The following STXBP5L variants were observed in gnomAD, a reference collection of about 807,000 sequenced individuals.
STXBP5L encodes syntaxin binding protein 5L.
Under a neutral mutation model 144.5 loss-of-function variants are expected in STXBP5L, and 65 were observed. The ratio of observed to expected loss-of-function variants is 0.45; its 90% CI spans 0.37 to 0.55. The LOEUF is 0.55. Among genes scored for constraint, STXBP5L ranks in the 20% least tolerant of loss-of-function variants. The pLI is 0.00. For synonymous variants in STXBP5L, 505 were observed against 469.6 expected (o/e 1.08, Z -0.97); for missense variants, 1,298 against 1,405.5 (o/e 0.92, Z 1.22).
At chr3:120,968,580 A>G (rs911222508) in intron 3 of STXBP5L, among the ~76,000 whole-genome samples, 1 of 152,162 alleles carries the variant, frequency 6.6e-6, no homozygotes, top group Admixed American at 6.5e-5. Context: ...TTTTTAAAAT[A>G]AATTTCAAAA....
At chr3:121,077,621 T>G (rs886989292) in intron 5 of STXBP5L, among the ~76,000 whole-genome samples, 1 of 152,168 alleles carries the variant, frequency 6.6e-6, no homozygotes, top group Admixed American at 6.5e-5. Context: ...CCTGCTTTTA[T>G]TCTCTTAACT....
At chr3:121,406,521 T>C (rs2108741416) in intron 22 of STXBP5L, among the ~76,000 whole-genome samples, 1 of 152,148 alleles carries the variant, frequency 6.6e-6, no homozygotes, top group East Asian at 1.9e-4. Flanking sequence ...AGCTTTATAG[T>C]ATATTGTCCT....
At chr3:121,082,895 T>C (rs552174644) in intron 5 of STXBP5L, among the ~76,000 whole-genome samples, 1 of 152,360 alleles carries the variant, frequency 6.6e-6, no homozygotes, top group Admixed American at 6.5e-5. Context: ...TAGTAATCTT[T>C]TGTTAAGAAC....
chr3:121,032,250 C>CAAA (rs11425726), intron 3 of STXBP5L, among the ~76,000 whole-genome samples: 7 of 135,196 alleles, frequency 5.2e-5, no homozygotes, highest in African/African-American at 1.8e-4. Context: ...AAGTGATGGG[C>CAAA]AAAAAAAAAA....
chr3:121,201,123 T>G (rs1400544607), intron 9 of STXBP5L, among the ~76,000 whole-genome samples: 1 of 152,186 alleles, frequency 6.6e-6, no homozygotes, highest in Non-Finnish European at 1.5e-5. Context: ...AGTCCAAGTC[T>G]CTCTGTAGTC....
chr3:121,221,288 T>C (rs1197806491), intron 10 of STXBP5L, among the ~76,000 whole-genome samples: 1 of 151,792 alleles, frequency 6.6e-6, no homozygotes, highest in East Asian at 1.9e-4. Context: ...CAGAAGAGGT[T>C]TTACTTCCTT....
At chr3:121,143,822 C>G (rs960950749) in intron 7 of STXBP5L, among the ~76,000 whole-genome samples, 1 of 151,790 alleles carries the variant, frequency 6.6e-6, no homozygotes, top group Non-Finnish European at 1.5e-5. Flanking sequence ...GGATTAAAGA[C>G]TTAAACATAA....
At chr3:120,912,007 C>A (rs1295566081) in intron 2 of STXBP5L, among the ~76,000 whole-genome samples, 2 of 151,932 alleles carry the variant, frequency 1.3e-5, no homozygotes, top group Non-Finnish European at 2.9e-5. Context: ...TCAACATGGG[C>A]AAAACTAAAG....
chr3:121,067,886 T>C (rs1012078957), intron 5 of STXBP5L, among the ~76,000 whole-genome samples: 1 of 152,266 alleles, frequency 6.6e-6, no homozygotes, highest in East Asian at 1.9e-4. Flanking sequence ...TATACATTGA[T>C]ATTTGCATAG....
intron 9 of STXBP5L, among the ~76,000 whole-genome samples, chr3:121,199,505 C>A: frequency 6.6e-6 from 1 of 152,286 alleles, no homozygotes; most frequent in South Asian, 2.1e-4. Flanking sequence ...CTGGCCAGAA[C>A]TTCTAATACT....
At chr3:120,918,369 TCA>T (rs1709204986) in intron 2 of STXBP5L, among the ~76,000 whole-genome samples, 1 of 152,198 alleles carries the variant, frequency 6.6e-6, no homozygotes, top group African/African-American at 2.4e-5. Context: ...GTTCATCACC[TCA>T]CCTGTTTTTG....
chr3:121,172,856 T>G (rs2046780430), intron 9 of STXBP5L, among the ~76,000 whole-genome samples: 1 of 152,214 alleles, frequency 6.6e-6, no homozygotes, highest in Admixed American at 6.5e-5. Context: ...TTTTAAATCA[T>G]TCTACTATAA....
chr3:120,954,168 C>T (rs573216750), intron 2 of STXBP5L, among the ~76,000 whole-genome samples: 7 of 152,112 alleles, frequency 4.6e-5, no homozygotes, highest in Admixed American at 2.6e-4. Context: ...TTAACACCTC[C>T]GTATACATAA....
At chr3:121,172,858 C>T (rs1475255886) in intron 9 of STXBP5L, among the ~76,000 whole-genome samples, 2 of 152,184 alleles carry the variant, frequency 1.3e-5, no homozygotes, top group African/African-American at 4.8e-5. Flanking sequence ...TTAAATCATT[C>T]TACTATAAAG....
chr3:121,025,232 G>C (rs1945844724), intron 3 of STXBP5L, among the ~76,000 whole-genome samples: 1 of 152,086 alleles, frequency 6.6e-6, no homozygotes, highest in African/African-American at 2.4e-5. Context: ...AGTAGGAAAT[G>C]CTTCCCTATC....
In STXBP5L at chr3:120,912,605, CTT is replaced by C. The variant is rs145063655; in HGVS notation, c.189+2840_189+2841del. ...AAAGTCATAGAAATGGCAGAAGAAA[CTT>C]TGGTTCAAGGTCAGCCAAAAAAAAA... On this transcript the variant is annotated intron_variant, in intron 2 of 26. Transcript: ENST00000471454. Among the ~76,000 whole-genome samples, 13 of 148,980 alleles carry C rather than the reference CTT, an allele frequency of 8.7e-5. No individual in the cohort carries two copies. The East Asian group carries it at 2.5e-3, about 29-fold the overall frequency.
In STXBP5L at chr3:121,205,915, T is replaced by G; in HGVS notation, c.878-8T>G. The stretch of plus-strand genomic sequence containing the variant: ...AATTAGATTCAATTAAATATTTTTT[T>G]TCTTTAGGAAAAAGTCAAAGAGAAG... On this transcript the variant is annotated splice_polypyrimidine_tract_variant and splice_region_variant and intron_variant, in intron 9 of 26. Transcript: ENST00000471454. The G allele has an allele frequency of 7.2e-7, 1 of 1,398,438 alleles. No individual in the cohort carries two copies. The highest frequency in any genetic ancestry group is 1.5e-5 in the African/African-American group (1 of 67,198). The allele number at this position is 1,398,438 out of a possible 1,614,324, so 86.6% of individuals were successfully genotyped here. A position where few individuals can be genotyped will look rare whatever the true frequency, so the allele number is the denominator to read the frequency against.
At chr3:121,210,192 G>A (rs2048502428) in intron 10 of STXBP5L, among the ~76,000 whole-genome samples, 1 of 152,126 alleles carries the variant, frequency 6.6e-6, no homozygotes, top group Non-Finnish European at 1.5e-5. Context: ...CAGTGATGAT[G>A]AGCATTTTTT....
chr3:121,128,958 A>T (rs933532346), intron 7 of STXBP5L, among the ~76,000 whole-genome samples: 1 of 152,122 alleles, frequency 6.6e-6, no homozygotes. Flanking sequence ...AACATCTGTG[A>T]TTGTTTGCAG....
Sources: allele counts gnomAD v4.1 joint callset (sites outside exome capture counted in the v4.1 genomes callset), GRCh38; gene constraint gnomAD v4.1.1; transcripts MANE v1.5; gene names NCBI Gene and HGNC (gene_info 2026-07-23, HGNC 2026-07-21).